Variants in CERS3 observed in about 807,000 individuals in gnomAD.
The protein encoded by CERS3 is ceramide synthase 3.
Under a neutral mutation model 50.3 loss-of-function variants are expected in CERS3, and 33 were observed. The ratio of observed to expected loss-of-function variants is 0.66; its 90% CI spans 0.50 to 0.88. The LOEUF (loss-of-function observed/expected upper bound fraction) is 0.88. Among genes scored for constraint, CERS3 ranks in the 40% least tolerant of loss-of-function variants. The probability of loss-of-function intolerance (pLI) is 0.00; values close to 1 mark genes in which losing one functional copy is unlikely to be tolerated. For synonymous variants in CERS3, 176 were observed against 155.2 expected (o/e 1.13, Z -0.99); for missense variants, 470 against 460.3 (o/e 1.02, Z -0.19).
At chr15:100,435,969 A>G (rs1050636129) in intron 11 of CERS3, among the ~76,000 whole-genome samples, 2 of 152,212 alleles carry the variant, frequency 1.3e-5, no homozygotes, top group Non-Finnish European at 2.9e-5. Context: ...AAAAGTTAGG[A>G]AACAACAGAT....
rs1246741878 is a variant in CERS3 at position 100,511,571 on chromosome 15, ATTGGGAG to A, written c.-1-9728_-1-9722del. On this transcript the variant is annotated intron_variant, in intron 2 of 11. Transcript: ENST00000679737. ...CCCTGGAGAGGAGCATCGTAAGTCC[ATTGGGAG>A]CCTGGGCTTCCATTAATGCTCTGTT... 1.6e-4 allele frequency among the ~76,000 whole-genome samples: 15 copies of A among 95,364 alleles called. 5 individuals carry two copies. The highest frequency in any genetic ancestry group is 3.8e-4 in the African/African-American group (10 of 26,214). The allele number at this position is 95,364 out of a possible 152,430, so 62.6% of individuals were successfully genotyped here.
intron 8 of CERS3, among the ~76,000 whole-genome samples, chr15:100,474,070 T>A (rs1230048258): frequency 6.6e-6 from 1 of 152,144 alleles, no homozygotes; most frequent in Non-Finnish European, 1.5e-5. Context: ...ATATAAAATA[T>A]CCAGAAGAGG....
intron 10 of CERS3, among the ~76,000 whole-genome samples, chr15:100,459,838 T>A (rs1027169916): frequency 6.6e-6 from 1 of 152,162 alleles, no homozygotes; most frequent in African/African-American, 2.4e-5. Context: ...TATTTTTATT[T>A]AATGTATAGT....
intron 10 of CERS3, among the ~76,000 whole-genome samples, chr15:100,466,098 C>A (rs1161737406): frequency 6.6e-6 from 1 of 152,208 alleles, no homozygotes; most frequent in Non-Finnish European, 1.5e-5. Flanking sequence ...AAATGCCAAA[C>A]ACATGTAACT....
At position 100,506,330 on chromosome 15, in the gene CERS3, A is replaced by G. The variant is rs144599055; in HGVS notation, c.-1-4480T>C. 4.2e-3 allele frequency among the ~76,000 whole-genome samples: 645 copies of G among 152,302 alleles called. 7 individuals are homozygous for G. Among genetic ancestry groups the G allele is most frequent in the African/African-American group, 0.015 (612 of 41,590 alleles). ...CAAAGACAATATAGAAATGGCCAAT[A>G]AGCACATGAAAAGATGCTCTGCCTC... On this transcript the variant is annotated intron_variant, in intron 2 of 11. Transcript: ENST00000679737.
intron 9 of CERS3, among the ~76,000 whole-genome samples, chr15:100,471,864 C>T (rs2034979056): frequency 6.6e-6 from 1 of 152,166 alleles, no homozygotes. Context: ...GTGGCTTCTA[C>T]AACAGGGTCT....
intron 1 of CERS3, among the ~76,000 whole-genome samples, chr15:100,539,310 AT>A (rs1287751624): frequency 5.7e-4 from 87 of 152,230 alleles, no homozygotes; most frequent in African/African-American, 1.6e-3. Flanking sequence ...TTGCTTCCAC[AT>A]TTTTGGGTAC....
intron 5 of CERS3, among the ~76,000 whole-genome samples, chr15:100,483,062 T>C (rs1352743478): frequency 6.6e-6 from 1 of 152,248 alleles, no homozygotes; most frequent in Non-Finnish European, 1.5e-5. Context: ...GCTTTGTGTC[T>C]TTGCTTTACT....
At chr15:100,503,967 C>A in intron 2 of CERS3, 2 of 322,902 alleles carry the variant, frequency 6.2e-6, no homozygotes, top group South Asian at 4.7e-5. Context: ...GAGTGAGGCC[C>A]GAGGGTAATG....
At chr15:100,479,899 T>C in intron 6 of CERS3, 90 bp downstream of exon 6, 1 of 899,754 alleles carries the variant, frequency 1.1e-6, no homozygotes, top group Non-Finnish European at 1.8e-6. Context: ...GGTTATCTTA[T>C]TGAAAGTACT....
At chr15:100,535,635 C>G (rs2142424897) in intron 1 of CERS3, among the ~76,000 whole-genome samples, 1 of 149,902 alleles carries the variant, frequency 6.7e-6, no homozygotes, top group East Asian at 2.0e-4. Context: ...TTAGAAGTAT[C>G]CATATGTGCA....
chr15:100,423,809 C>T (rs1193605055), intron 11 of CERS3, among the ~76,000 whole-genome samples: 2 of 152,170 alleles, frequency 1.3e-5, no homozygotes, highest in Non-Finnish European at 2.9e-5. Context: ...GATGTGCCTG[C>T]TTCCTCTTCA....
chr15:100,403,510 G>C (rs1230623032), intron 11 of CERS3, among the ~76,000 whole-genome samples: 5 of 151,942 alleles, frequency 3.3e-5, no homozygotes, highest in African/African-American at 1.2e-4. Flanking sequence ...TAGCAAGACT[G>C]ATAAAGAAAA....
intron 11 of CERS3, among the ~76,000 whole-genome samples, chr15:100,428,979 G>A (rs2587819): frequency 0.27 from 41,726 of 152,154 alleles, 5,916 homozygotes; most frequent in East Asian, 0.42. Context: ...CGATGTGAGA[G>A]CCTTGCATGC....
At chr15:100,502,398 C>CACA (rs2036039537) in intron 2 of CERS3, among the ~76,000 whole-genome samples, 2 of 151,890 alleles carry the variant, frequency 1.3e-5, no homozygotes, top group African/African-American at 4.8e-5. Flanking sequence ...TATGGAAAAA[C>CACA]TCAAGTTTAA....
chr15:100,503,195 C>A (rs1239521362), intron 2 of CERS3, among the ~76,000 whole-genome samples: 1 of 152,172 alleles, frequency 6.6e-6, no homozygotes, highest in African/African-American at 2.4e-5. Flanking sequence ...GTCAAAACCT[C>A]TTAATCGGGA....
intron 11 of CERS3, among the ~76,000 whole-genome samples, chr15:100,404,167 C>T (rs536498796): frequency 1.8e-4 from 28 of 152,246 alleles, no homozygotes; most frequent in African/African-American, 5.3e-4. Flanking sequence ...GAAAAGAACA[C>T]GACCCTGCTA....
intron 10 of CERS3, among the ~76,000 whole-genome samples, chr15:100,466,751 T>TCCTTCCTTCCTC (rs1341273801): frequency 4.2e-4 from 8 of 18,856 alleles, no homozygotes; most frequent in African/African-American, 9.3e-4. Flanking sequence ...CTTCCTTCCT[T>TCCTTCCTTCCTC]CCTTCCTTCC....
intron 9 of CERS3, among the ~76,000 whole-genome samples, chr15:100,472,320 C>G (rs1195214979): frequency 6.6e-6 from 1 of 152,082 alleles, no homozygotes; most frequent in Non-Finnish European, 1.5e-5. Context: ...AGAAACAGGT[C>G]CGGAAAACAA....
Sources: allele counts gnomAD v4.1 joint callset (sites outside exome capture counted in the v4.1 genomes callset), GRCh38; gene constraint gnomAD v4.1.1; transcripts MANE v1.5; gene names NCBI Gene and HGNC (gene_info 2026-07-23, HGNC 2026-07-21).